Variants in ATXN7 observed in about 807,000 individuals in gnomAD.
ATXN7 encodes the protein ataxin-7.
A neutral mutation model predicts 70.5 loss-of-function variants in ATXN7; 12 were observed. The observed-to-expected ratio is 0.17, with a 90% confidence interval of 0.11 to 0.28. The LOEUF (loss-of-function observed/expected upper bound fraction) is 0.28, where lower values mean the gene tolerates loss of function less well. Ranked by LOEUF, ATXN7 falls within the 10% of genes least tolerant of loss-of-function variation. The pLI is 1.00. For synonymous variants in ATXN7, 498 were observed against 448.7 expected (o/e 1.11, Z -1.39); for missense variants, 1,256 against 1,131.7 (o/e 1.11, Z -1.58).
At chr3:63,884,217 A>G (rs1000898626) in intron 1 of ATXN7, among the ~76,000 whole-genome samples, 3 of 144,562 alleles carry the variant, frequency 2.1e-5, no homozygotes, top group Non-Finnish European at 4.5e-5. Flanking sequence ...ACACACACAC[A>G]CACACACACA....
At chr3:63,977,064 TTAA>T in intron 5 of ATXN7, among the ~76,000 whole-genome samples, 1 of 152,266 alleles carries the variant, frequency 6.6e-6, no homozygotes, top group East Asian at 1.9e-4. Flanking sequence ...TTGGGTGTGG[TTAA>T]TAACACCCAT....
intron 5 of ATXN7, among the ~76,000 whole-genome samples, chr3:63,973,354 T>C (rs2075344266): frequency 1.3e-5 from 2 of 152,142 alleles, no homozygotes; most frequent in South Asian, 4.1e-4. Context: ...TATTGTGTTG[T>C]GTATTGGTTG....
chr3:63,925,546 A>AC (rs1056669058), intron 4 of ATXN7, among the ~76,000 whole-genome samples: 32 of 151,684 alleles, frequency 2.1e-4, no homozygotes, highest in Non-Finnish European at 3.4e-4. Context: ...GGTTCCCCTG[A>AC]CCCCCCCAAC....
intron 4 of ATXN7, among the ~76,000 whole-genome samples, chr3:63,929,038 A>G (rs1704829291): frequency 2.6e-5 from 4 of 152,128 alleles, no homozygotes; most frequent in Admixed American, 2.6e-4. Flanking sequence ...TAGTTTGTAG[A>G]ATGCATGGTG....
chr3:63,948,005 G>A (rs1575936380), intron 4 of ATXN7, among the ~76,000 whole-genome samples: 1 of 152,156 alleles, frequency 6.6e-6, no homozygotes, highest in East Asian at 1.9e-4. Context: ...ATTCCAAGAG[G>A]AGTAGAAAGC....
At chr3:63,864,479 A>T (rs1265350932) in intron 1 of ATXN7, 1 of 152,050 alleles carries the variant, frequency 6.6e-6, no homozygotes, top group Non-Finnish European at 1.5e-5. Context: ...CCGGCAATCA[A>T]AAAAGGCCCC....
chr3:63,963,908 G>A (rs2075174328), intron 5 of ATXN7, among the ~76,000 whole-genome samples: 1 of 152,086 alleles, frequency 6.6e-6, no homozygotes, highest in Admixed American at 6.5e-5. Context: ...CTAGTTATTT[G>A]CAGTGTTAAT....
chr3:63,876,341 G>A (rs1022567130), intron 1 of ATXN7, among the ~76,000 whole-genome samples: 1 of 152,018 alleles, frequency 6.6e-6, no homozygotes, highest in Non-Finnish European at 1.5e-5. Flanking sequence ...TCAATTCTCT[G>A]TGTCCTCCAC....
intron 5 of ATXN7, among the ~76,000 whole-genome samples, chr3:63,969,612 G>GT (rs961143474): frequency 1.8e-4 from 27 of 151,938 alleles, no homozygotes; most frequent in African/African-American, 3.6e-4. Flanking sequence ...GTTTTGTTTT[G>GT]TTTTTTTAAT....
At chr3:63,928,405 A>T (rs1006882389) in intron 4 of ATXN7, among the ~76,000 whole-genome samples, 3 of 149,910 alleles carry the variant, frequency 2.0e-5, no homozygotes, top group Non-Finnish European at 4.5e-5. Context: ...TTGCATACCC[A>T]TTTTTTTTTT....
chr3:63,979,530 A>G (rs1317301149), intron 5 of ATXN7, among the ~76,000 whole-genome samples: 4 of 152,212 alleles, frequency 2.6e-5, no homozygotes, highest in South Asian at 2.1e-4. Flanking sequence ...AATTGCTTGC[A>G]GTGTCATTTA....
At chr3:63,976,080 G>A (rs1413445709) in intron 5 of ATXN7, among the ~76,000 whole-genome samples, 2 of 152,202 alleles carry the variant, frequency 1.3e-5, no homozygotes, top group Admixed American at 6.5e-5. Context: ...CCACATTGCA[G>A]TTGTGCTCAG....
At chr3:63,865,727 TA>T (rs377336196) in intron 1 of ATXN7, among the ~76,000 whole-genome samples, 22,878 of 147,624 alleles carry the variant, frequency 0.15, 1,808 homozygotes, top group Middle Eastern at 0.2. Flanking sequence ...CCGTCTCTAC[TA>T]AAAAAAAATA....
intron 4 of ATXN7, among the ~76,000 whole-genome samples, chr3:63,943,272 G>C (rs1053148036): frequency 6.6e-6 from 1 of 152,206 alleles, no homozygotes; most frequent in Non-Finnish European, 1.5e-5. Context: ...CGGAGAGTTC[G>C]AAGAGAGCAG....
chr3:63,995,444 T>C, intron 11 of ATXN7, 61 bp from the exon 12 acceptor site: 1 of 1,579,504 alleles, frequency 6.3e-7, no homozygotes, highest in Non-Finnish European at 8.7e-7. Context: ...GGTGGTGCCA[T>C]CTGAAAGTCT....
intron 5 of ATXN7, among the ~76,000 whole-genome samples, chr3:63,967,160 A>T (rs2075239074): frequency 6.6e-6 from 1 of 152,150 alleles, no homozygotes; most frequent in Admixed American, 6.5e-5. Flanking sequence ...TGTGATAGGG[A>T]TGATAGGGAA....
upstream of ATXN7, chr3:63,863,440 C>T: frequency 2.7e-6 from 3 of 1,118,960 alleles, no homozygotes; most frequent in Non-Finnish European, 3.3e-6. Flanking sequence ...CGCCCTTGCA[C>T]CGCTTCTAGC....
chr3:63,939,670 C>G (rs962681976), intron 4 of ATXN7, among the ~76,000 whole-genome samples: 6 of 152,144 alleles, frequency 3.9e-5, no homozygotes, highest in African/African-American at 1.4e-4. Context: ...AGAAAAATGG[C>G]TGAATCTGTA....
intron 5 of ATXN7, chr3:63,968,302 G>A: frequency 7.6e-6 from 2 of 263,634 alleles, no homozygotes; most frequent in Non-Finnish European, 7.3e-6. Flanking sequence ...AAGTTCAGAT[G>A]CAGACGGGAG....
Sources: allele counts gnomAD v4.1 joint callset (sites outside exome capture counted in the v4.1 genomes callset), GRCh38; gene constraint gnomAD v4.1.1; transcripts MANE v1.5; gene names NCBI Gene and HGNC (gene_info 2026-07-23, HGNC 2026-07-21).